Variants in AGO4 observed in about 807,000 individuals in gnomAD.
AGO4 encodes the protein protein argonaute-4.
Under a neutral mutation model 104.7 loss-of-function variants are expected in AGO4, and 33 were observed. That is an observed-to-expected ratio of 0.32 (90% CI 0.24 to 0.42). The LOEUF (loss-of-function observed/expected upper bound fraction) is 0.42. AGO4 is among the 10% of genes least tolerant of loss of function. The probability of loss-of-function intolerance (pLI) is 1.00; values close to 1 mark genes in which losing one functional copy is unlikely to be tolerated. For missense variants in AGO4, 711 were observed against 1,083.4 expected (o/e 0.66, Z 4.83); for synonymous variants, 331 against 364.7 (o/e 0.91, Z 1.05).
At position 35,826,846 on chromosome 1, in the gene AGO4, C is replaced by T. The variant is rs1420945883; in HGVS notation, c.848+11C>T. 1.2e-6 allele frequency: 2 copies of T among 1,612,728 alleles called. No individual in the cohort carries two copies. Among genetic ancestry groups the T allele is most frequent in the East Asian group, 4.5e-5 (2 of 44,846 alleles). On this transcript the variant is annotated intron_variant, in intron 7 of 17. Coordinates refer to ENST00000373210, the MANE Select transcript of AGO4 (RefSeq NM_017629.4). ...AGCCAGTCATCAAACGTATGTTAAC[C>T]ACATCTAAAGTAATACAATTACATT...
At chr1:35,836,669 A>G (rs1644322266) in intron 13 of AGO4, among the ~76,000 whole-genome samples, 1 of 152,202 alleles carries the variant, frequency 6.6e-6, no homozygotes, top group African/African-American at 2.4e-5. Flanking sequence ...TCGGCCTCCC[A>G]AAGTGCTGGG....
chr1:35,830,573 T>C (rs906901288), intron 7 of AGO4, among the ~76,000 whole-genome samples: 1 of 152,222 alleles, frequency 6.6e-6, no homozygotes, highest in Non-Finnish European at 1.5e-5. Flanking sequence ...AAATTTTAAT[T>C]TAAAAAAATT....
chr1:35,832,317 C>T lies in AGO4; in HGVS notation c.1246-120C>T, dbSNP rs1644204749. On this transcript the variant is annotated intron_variant, in intron 10 of 17. Coordinates refer to ENST00000373210, the MANE Select transcript of AGO4 (RefSeq NM_017629.4). ...CATTATTGCCTTTTGTGTTCTGGCTCATACCTAATAGAATTTTGTTTATTC... is the reference window on the plus strand; with the variant it reads ...CATTATTGCCTTTTGTGTTCTGGCTTATACCTAATAGAATTTTGTTTATTC... 3.1e-5 allele frequency: 47 copies of T among 1,510,356 alleles called. 1 individual carries two copies. In the South Asian group the frequency reaches 6.4e-4, roughly 20 times the overall value. 93.6% of individuals were successfully genotyped at this position (1,510,356 alleles called of 1,614,324 possible). A position where few individuals can be genotyped will look rare whatever the true frequency, so the allele number is the denominator to read the frequency against.
At chr1:35,818,658 A>G (rs6674154) in intron 2 of AGO4, among the ~76,000 whole-genome samples, 13,270 of 59,412 alleles carry the variant, frequency 0.22, 1,506 homozygotes, top group East Asian at 0.69. Flanking sequence ...AGAAAGAAAG[A>G]AAGGAAGAAA....
intron 1 of AGO4, among the ~76,000 whole-genome samples, chr1:35,812,601 C>CT (rs903535177): frequency 6.6e-5 from 10 of 150,562 alleles, no homozygotes; most frequent in Non-Finnish European, 1.0e-4. Context: ...CATTTTTTTT[C>CT]TTTTTTTTTA....
chr1:35,836,120 C>T (rs111810705), intron 13 of AGO4, 127 bp downstream of exon 13: 2 of 982,104 alleles, frequency 2.0e-6, no homozygotes, highest in South Asian at 3.6e-5. Flanking sequence ...ACCCATATAC[C>T]CAATTCCCAG....
chr1:35,811,075 C>T (rs1643484724), intron 1 of AGO4, among the ~76,000 whole-genome samples: 2 of 151,968 alleles, frequency 1.3e-5, no homozygotes, highest in Admixed American at 1.3e-4. Context: ...ATGGCTTGAG[C>T]CTGCGAGGCA....
chr1:35,844,354 G>A (rs1644516816), intron 15 of AGO4, among the ~76,000 whole-genome samples: 1 of 152,112 alleles, frequency 6.6e-6, no homozygotes, highest in African/African-American at 2.4e-5. Context: ...AAAAGTGTCT[G>A]TTTAATAAAG....
At chr1:35,817,693 C>T (rs1446359651) in intron 2 of AGO4, among the ~76,000 whole-genome samples, 1 of 152,090 alleles carries the variant, frequency 6.6e-6, no homozygotes, top group East Asian at 1.9e-4. Flanking sequence ...GACATTCAGG[C>T]AATATTTGAT....
chr1:35,819,441 AC>A lies in AGO4; in HGVS notation c.185+2395del, dbSNP rs150522215. Among the ~76,000 whole-genome samples, 947 of 151,986 alleles carry A rather than the reference AC, an allele frequency of 6.2e-3. 6 individuals are homozygous for A. The highest frequency in any genetic ancestry group is 0.022 in the African/African-American group (897 of 41,442). On this transcript the variant is annotated intron_variant, in intron 2 of 17. Transcript: ENST00000373210. ...CTAGACTCTGTCTATATTAAAAAAA[AC>A]AAAAGGCCGCGCGCGGTGGCTCACA...
intron 15 of AGO4, among the ~76,000 whole-genome samples, chr1:35,845,914 A>G (rs187680549): frequency 1.3e-5 from 2 of 152,156 alleles, no homozygotes; most frequent in East Asian, 1.9e-4. Flanking sequence ...AGAAGCATCT[A>G]TCTGGAACAC....
chr1:35,828,219 G>A (rs930609865), intron 7 of AGO4, among the ~76,000 whole-genome samples: 4 of 151,848 alleles, frequency 2.6e-5, no homozygotes, highest in South Asian at 2.1e-4. Context: ...GCTTGGCACC[G>A]TCATGGCCCA....
intron 1 of AGO4, among the ~76,000 whole-genome samples, chr1:35,811,510 A>C (rs1169394871): frequency 6.6e-6 from 1 of 152,010 alleles, no homozygotes; most frequent in East Asian, 1.9e-4. Flanking sequence ...GGGACCTTTG[A>C]GCACTAACTA....
Position 35,825,802 on chromosome 1 carries a change from G to T in AGO4, c.612G>T (p.Met204Ile). 1 of 1,587,416 alleles carries T rather than the reference G, an allele frequency of 6.3e-7. No homozygotes were observed. Among genetic ancestry groups the T allele is most frequent in the Non-Finnish European group, 8.6e-7 (1 of 1,168,948 alleles). Residue 204 changes from methionine (M) to isoleucine (I), a missense_variant, in exon 5 of 18, where the codon ATG (methionine) becomes ATT (isoleucine). Met to Ile is a conservative substitution (Grantham distance 10). This residue lies in a region of AGO4 where 308 missense variants were observed against 397.8 expected (regional missense o/e 0.77). Coordinates refer to ENST00000373210, the MANE Select transcript of AGO4 (RefSeq NM_017629.4). The part of the protein sequence containing the change: ...QSVRPAMWNM[M>I]LNIDVSATAF... ...TGAGACCTGCCATGTGGAATATGAT[G>T]CTCAACATTGATGGTAGGATGGAAC...
chr1:35,848,601 A>G (rs1272919396), intron 15 of AGO4, among the ~76,000 whole-genome samples: 2 of 150,306 alleles, frequency 1.3e-5, no homozygotes, highest in Non-Finnish European at 2.9e-5. Flanking sequence ...TCTCCAAGGC[A>G]TCACCTCTTC....
At chr1:35,823,883 A>G (rs1045653492) in intron 3 of AGO4, among the ~76,000 whole-genome samples, 8 of 152,078 alleles carry the variant, frequency 5.3e-5, no homozygotes, top group African/African-American at 1.9e-4. Context: ...ACGCCCAGCG[A>G]GAGTTGTTTT....
chr1:35,819,311 G>A (rs1054814167), intron 2 of AGO4, among the ~76,000 whole-genome samples: 1 of 152,020 alleles, frequency 6.6e-6, no homozygotes, highest in Non-Finnish European at 1.5e-5. Context: ...ACATGCTAGT[G>A]GAGATCGGCT....
chr1:35,835,908 A>G lies in AGO4; in HGVS notation c.1639A>G (p.Thr547Ala). 6.2e-7 allele frequency: 1 copy of G among 1,613,834 alleles called. No homozygotes were observed. The highest frequency in any genetic ancestry group is 8.5e-7 in the Non-Finnish European group (1 of 1,179,794). Residue 547 changes from threonine to alanine, a missense_variant, in exon 13 of 18, where the codon ACC becomes GCC. By Grantham distance (58) the Thr-to-Ala change is moderately conservative. Transcript: ENST00000373210. The part of the protein sequence containing the change: ...QCVQVKNVVK[T>A]SPQTLSNLCL... ...TGTCCAGGTAAAAAATGTAGTGAAG[A>G]CCTCACCTCAAACCCTTTCCAATCT...
At chr1:35,815,760 C>G (rs1643672413) in intron 1 of AGO4, among the ~76,000 whole-genome samples, 1 of 152,136 alleles carries the variant, frequency 6.6e-6, no homozygotes. Context: ...GAATGCGTAG[C>G]TGTATCCTGG....
Sources: gnomAD v4.1 joint callset for allele counts (sites outside exome capture counted in the v4.1 genomes callset) on GRCh38, gnomAD v4.1.1 for gene constraint, gnomAD v4.1.1 regional missense constraint, MANE v1.5 for transcripts, NCBI Gene and HGNC (gene_info 2026-07-23, HGNC 2026-07-21) for gene names.